CERT1: variants seen among roughly 807,000 people sequenced by gnomAD.
CERT1 encodes the protein ceramide transporter 1.
A neutral mutation model predicts 87.9 loss-of-function variants in CERT1; 31 were observed. That is an observed-to-expected ratio of 0.35 (90% CI 0.27 to 0.48). The LOEUF is 0.48. CERT1 is among the 20% of genes least tolerant of loss of function. The pLI is 0.99. For synonymous variants in CERT1, 289 were observed against 250.9 expected (o/e 1.15, Z -1.44); for missense variants, 487 against 758.0 (o/e 0.64, Z 4.20).
chr5:75,409,730 T>C (rs188668092), intron 8 of CERT1, among the ~76,000 whole-genome samples: 20 of 152,042 alleles, frequency 1.3e-4, no homozygotes, highest in Admixed American at 1.0e-3. Context: ...GGTTTCACCA[T>C]ATTGGCCAGG....
intron 12 of CERT1, among the ~76,000 whole-genome samples, chr5:75,389,247 T>A (rs539624607): frequency 1.3e-5 from 2 of 152,140 alleles, no homozygotes; most frequent in Non-Finnish European, 2.9e-5. Context: ...CAACATTCAG[T>A]ATGTTAAAAA....
At chr5:75,380,526 C>T (rs544049484) in intron 16 of CERT1, among the ~76,000 whole-genome samples, 2 of 152,026 alleles carry the variant, frequency 1.3e-5, no homozygotes, top group African/African-American at 4.8e-5. Flanking sequence ...CAGTGGCTCA[C>T]GCCTGTAATC....
chr5:75,442,650 C>T (rs982800988), intron 3 of CERT1, among the ~76,000 whole-genome samples: 13 of 152,046 alleles, frequency 8.6e-5, no homozygotes, highest in Admixed American at 3.9e-4. Context: ...GTCAGTAGTA[C>T]AGTAATCCCC....
At chr5:75,413,694 C>G (rs561770642) in intron 7 of CERT1, among the ~76,000 whole-genome samples, 152 of 152,148 alleles carry the variant, frequency 1.0e-3, no homozygotes, top group African/African-American at 3.4e-3. Flanking sequence ...CAGACGCACA[C>G]ACACACAATA....
chr5:75,511,010 G>A, intron 1 of CERT1, 102 bp downstream of exon 1: 1 of 1,395,032 alleles, frequency 7.2e-7, no homozygotes, highest in African/African-American at 1.5e-5. Flanking sequence ...TCGCACCCCG[G>A]CACGTTCCGC....
Position 75,408,415 on chromosome 5 carries a change from G to A in CERT1, c.930+2596C>T, listed in dbSNP as rs140172927. ...GTGATGATGTTCAGACCTTCTCCCTGTAACCAGTTACAGAAATAACTCTCT... is the reference window on the plus strand; with the variant it reads ...GTGATGATGTTCAGACCTTCTCCCTATAACCAGTTACAGAAATAACTCTCT... On this transcript the variant is annotated intron_variant, in intron 8 of 16. Transcript: ENST00000643780. Among the ~76,000 whole-genome samples the A allele has an allele frequency of 1.3e-3, 201 of 152,270 alleles. 2 individuals carry two copies. Among genetic ancestry groups the A allele is most frequent in the African/African-American group, 4.6e-3 (192 of 41,546 alleles).
chr5:75,391,781 A>C (rs914176876), intron 11 of CERT1, among the ~76,000 whole-genome samples: 1 of 152,224 alleles, frequency 6.6e-6, no homozygotes, highest in African/African-American at 2.4e-5. Flanking sequence ...TTCAGATCCC[A>C]AAATCTTAAA....
chr5:75,457,667 A>G (rs1383580460), intron 3 of CERT1, among the ~76,000 whole-genome samples: 1 of 152,040 alleles, frequency 6.6e-6, no homozygotes, highest in African/African-American at 2.4e-5. Context: ...GAAATCTTAA[A>G]TCAATAAACC....
chr5:75,461,860 G>A (rs1273199663), intron 2 of CERT1, among the ~76,000 whole-genome samples: 4 of 151,488 alleles, frequency 2.6e-5, no homozygotes, highest in Non-Finnish European at 4.4e-5. Context: ...AGTCTACAGG[G>A]CAAAGGAAAT....
intron 5 of CERT1, among the ~76,000 whole-genome samples, chr5:75,422,846 A>G (rs1763445279): frequency 6.6e-6 from 1 of 152,216 alleles, no homozygotes; most frequent in Non-Finnish European, 1.5e-5. Context: ...TACAATATGC[A>G]GAAGAAATTT....
intron 9 of CERT1, 123 bp downstream of exon 9, chr5:75,402,849 G>C (rs1474806916): frequency 1.7e-6 from 1 of 589,460 alleles, no homozygotes. Flanking sequence ...TGTATTCACA[G>C]TTAAGCTTCT....
chr5:75,411,901 A>G (rs1215582785), intron 7 of CERT1, among the ~76,000 whole-genome samples: 1 of 152,244 alleles, frequency 6.6e-6, no homozygotes, highest in Non-Finnish European at 1.5e-5. Flanking sequence ...AAACCTTCTT[A>G]TACTTTCTCA....
intron 5 of CERT1, among the ~76,000 whole-genome samples, chr5:75,422,985 C>T (rs963879182): frequency 6.6e-6 from 1 of 152,156 alleles, no homozygotes; most frequent in African/African-American, 2.4e-5. Flanking sequence ...CCTGCCAATA[C>T]CTTTATCTCA....
rs1367890980 is a variant in CERT1 at position 75,511,252 on chromosome 5, C to A, written c.-45G>T. On this transcript the variant is annotated 5_prime_UTR_variant, in exon 1 of 17. Coordinates refer to ENST00000643780, the MANE Select transcript of CERT1 (RefSeq NM_001379029.1). Reference sequence around the variant, plus strand: ...AGGAGACCGGCCCCCGCTCCCTCAGCTGCGCCGGAGGAGGCGCCCAGTCCT... The same window carrying A: ...AGGAGACCGGCCCCCGCTCCCTCAGATGCGCCGGAGGAGGCGCCCAGTCCT... The A allele has an allele frequency of 6.2e-7, 1 of 1,604,428 alleles. No individual in the cohort carries two copies. Among genetic ancestry groups the A allele is most frequent in the South Asian group, 1.1e-5 (1 of 90,240 alleles).
chr5:75,382,839 T>C (rs1169690052), intron 14 of CERT1, among the ~76,000 whole-genome samples: 1 of 151,948 alleles, frequency 6.6e-6, no homozygotes, highest in Non-Finnish European at 1.5e-5. Context: ...TTTCATGTAG[T>C]TGATAAATAT....
intron 2 of CERT1, among the ~76,000 whole-genome samples, chr5:75,482,366 G>C (rs1766286735): frequency 6.6e-6 from 1 of 152,164 alleles, no homozygotes; most frequent in Admixed American, 6.5e-5. Flanking sequence ...TGTGGCTTGG[G>C]TGCTAGTTCA....
intron 8 of CERT1, among the ~76,000 whole-genome samples, chr5:75,408,610 T>C (rs1408757967): frequency 1.3e-5 from 2 of 152,018 alleles, no homozygotes; most frequent in Non-Finnish European, 2.9e-5. Flanking sequence ...GATGGAAATG[T>C]AGGGACTCTA....
chr5:75,463,808 G>T (rs950744356), intron 2 of CERT1, among the ~76,000 whole-genome samples: 1 of 152,216 alleles, frequency 6.6e-6, no homozygotes, highest in Non-Finnish European at 1.5e-5. Flanking sequence ...GTCTATAGAG[G>T]AGGGAAGAAA....
chr5:75,425,524 G>A (rs1235875228), intron 4 of CERT1, 25 bp from the exon 5 acceptor site: 3 of 1,607,994 alleles, frequency 1.9e-6, no homozygotes, highest in South Asian at 1.1e-5. Flanking sequence ...ATAGGGGGAT[G>A]TAATTCAAGT....
Sources: gnomAD v4.1 joint callset for allele counts (sites outside exome capture counted in the v4.1 genomes callset) on GRCh38, gnomAD v4.1.1 for gene constraint, MANE v1.5 for transcripts, NCBI Gene and HGNC (gene_info 2026-07-23, HGNC 2026-07-21) for gene names.